Variants in IQCB1 observed in about 807,000 individuals in gnomAD.
IQCB1 encodes the protein IQ calmodulin-binding motif-containing protein 1.
IQCB1 carries 56 observed loss-of-function variants against 84.4 expected under a neutral mutation model. That is an observed-to-expected ratio of 0.66 (90% CI 0.54 to 0.83). IQCB1 has a LOEUF of 0.83. Among genes scored for constraint, IQCB1 ranks in the 40% least tolerant of loss-of-function variants. IQCB1 has a pLI of 0.00. For synonymous variants in IQCB1, 210 were observed against 234.8 expected, an observed-to-expected ratio of 0.89 and a Z score of 0.96; for missense variants, 629 against 682.1, an observed-to-expected ratio of 0.92 and a Z score of 0.87.
At chr3:121,817,202 G>A (rs901949221) in intron 5 of IQCB1, among the ~76,000 whole-genome samples, 4 of 152,130 alleles carry the variant, frequency 2.6e-5, no homozygotes, top group Non-Finnish European at 5.9e-5. Flanking sequence ...AGCGGGAGTT[G>A]AACAATGAGA....
intron 13 of IQCB1, among the ~76,000 whole-genome samples, chr3:121,779,669 A>G (rs1948390718): frequency 6.6e-6 from 1 of 152,116 alleles, no homozygotes. Context: ...TGCCTTTAAT[A>G]TTTGATTAGC....
intron 6 of IQCB1, among the ~76,000 whole-genome samples, chr3:121,807,902 A>G (rs1949669607): frequency 6.6e-6 from 1 of 151,920 alleles, no homozygotes; most frequent in Non-Finnish European, 1.5e-5. Context: ...AACTACAAAA[A>G]TTTCCTTTTA....
chr3:121,826,300 G>T, intron 4 of IQCB1, 120 bp from the exon 5 acceptor site: 1 of 1,000,234 alleles, frequency 1.0e-6, no homozygotes, highest in Non-Finnish European at 1.5e-6. Flanking sequence ...AGACAATAAA[G>T]AATTTTTGTT....
chr3:121,819,997 T>G (rs1263851323), intron 5 of IQCB1, among the ~76,000 whole-genome samples: 2 of 152,184 alleles, frequency 1.3e-5, no homozygotes, highest in African/African-American at 4.8e-5. Flanking sequence ...TGTATTTAGA[T>G]TTTATAAAAC....
chr3:121,831,888 A>G (rs1169539102), intron 2 of IQCB1, among the ~76,000 whole-genome samples: 1 of 152,248 alleles, frequency 6.6e-6, no homozygotes, highest in Non-Finnish European at 1.5e-5. Flanking sequence ...AAGAGAGTGC[A>G]TATAGTTATC....
intron 10 of IQCB1, among the ~76,000 whole-genome samples, chr3:121,793,874 AAGAG>A (rs895670933): frequency 3.9e-5 from 6 of 152,188 alleles, no homozygotes; most frequent in Non-Finnish European, 7.4e-5. Flanking sequence ...TTAATATTGA[AAGAG>A]AGAGTATATG....
At position 121,809,056 on chromosome 3, in the gene IQCB1, CT is replaced by C. The variant is rs35072741; in HGVS notation, c.394-48del. 65,935 of 861,570 alleles carry C rather than the reference CT, an allele frequency of 0.077. No homozygotes were observed. Among genetic ancestry groups the C allele is most frequent in the South Asian group, 0.084 (4,963 of 59,400 alleles). The allele number at this position is 861,570 out of a possible 1,614,324, so 53.4% of individuals were successfully genotyped here. A position where few individuals can be genotyped will look rare whatever the true frequency, so the allele number is the denominator to read the frequency against. On this transcript the variant is annotated intron_variant, in intron 5 of 14. Coordinates refer to ENST00000310864, the MANE Select transcript of IQCB1 (RefSeq NM_001023570.4). ...AGTTTACTTTTCTATAGTTTTTTTC[CT>C]TTTTTTTTTTTTTAAGGAGACTTCT...
At chr3:121,776,079 A>G (rs944043851) in intron 13 of IQCB1, among the ~76,000 whole-genome samples, 2 of 151,896 alleles carry the variant, frequency 1.3e-5, no homozygotes, top group Admixed American at 6.6e-5. Flanking sequence ...TTTTTTTTGA[A>G]GACAGGGTCT....
At chr3:121,797,451 A>AT (rs1491149946) in intron 8 of IQCB1, among the ~76,000 whole-genome samples, 9 of 48,706 alleles carry the variant, frequency 1.8e-4, no homozygotes, top group East Asian at 9.0e-4. Flanking sequence ...GTGGTATCTG[A>AT]TAAAAAAAAA....
intron 13 of IQCB1, among the ~76,000 whole-genome samples, chr3:121,781,075 GA>G (rs1948466514): frequency 6.6e-6 from 1 of 152,232 alleles, no homozygotes; most frequent in African/African-American, 2.4e-5. Context: ...GAAGCAGTAA[GA>G]GAAAAGAAAG....
At chr3:121,799,083 T>C in intron 8 of IQCB1, 113 bp downstream of exon 8, 1 of 728,690 alleles carries the variant, frequency 1.4e-6, no homozygotes. Flanking sequence ...GTGAGTTTTA[T>C]CTACATAGGT....
At chr3:121,792,129 T>C (rs986602848) in intron 10 of IQCB1, among the ~76,000 whole-genome samples, 6 of 152,206 alleles carry the variant, frequency 3.9e-5, no homozygotes, top group African/African-American at 9.6e-5. Flanking sequence ...TTCTAACTTC[T>C]AATTGGCTAT....
chr3:121,792,618 C>G (rs1215272040), intron 10 of IQCB1, among the ~76,000 whole-genome samples: 1 of 134,004 alleles, frequency 7.5e-6, no homozygotes, highest in East Asian at 2.1e-4. Context: ...GCCGAGATTG[C>G]GCCACTGCAC....
chr3:121,789,718 GAGTTAA>G (rs1171814693), intron 11 of IQCB1, among the ~76,000 whole-genome samples: 1 of 152,188 alleles, frequency 6.6e-6, no homozygotes, highest in Admixed American at 6.5e-5. Flanking sequence ...ACTAAGGAAT[GAGTTAA>G]ACTCTGATGG....
At chr3:121,785,992 G>C (rs1224204237) in intron 12 of IQCB1, among the ~76,000 whole-genome samples, 1 of 134,782 alleles carries the variant, frequency 7.4e-6, no homozygotes, top group African/African-American at 2.9e-5. Flanking sequence ...AACACAGTGA[G>C]ACTTAGTCTC....
Position 121,808,942 on chromosome 3 carries a change from C to G in IQCB1, c.461G>C (p.Gly154Ala). Residue 154 changes from glycine to alanine, a missense_variant, in exon 6 of 15, where the codon GGA becomes GCA. By Grantham distance (60) the Gly-to-Ala change is moderately conservative (BLOSUM62 0). Coordinates refer to ENST00000310864, the MANE Select transcript of IQCB1 (RefSeq NM_001023570.4). ...IVTDSLFWLL[G>A]GHVELIQNVL... Reference sequence around the variant, plus strand: ...ATTCTGAATAAGTTCAACATGGCCTCCCAAAAGCCAGAAGAGAGAATCAGT... The same window carrying G: ...ATTCTGAATAAGTTCAACATGGCCTGCCAAAAGCCAGAAGAGAGAATCAGT... 6.2e-7 allele frequency: 1 copy of G among 1,609,476 alleles called. No individual in the cohort carries two copies. Among genetic ancestry groups the G allele is most frequent in the South Asian group, 1.1e-5 (1 of 90,950 alleles).
intron 10 of IQCB1, among the ~76,000 whole-genome samples, chr3:121,794,416 G>C (rs1470841388): frequency 6.6e-6 from 1 of 152,100 alleles, no homozygotes; most frequent in Admixed American, 6.5e-5. Context: ...GGAAGTTTGA[G>C]GCTGAGAGAG....
At chr3:121,788,241 T>C in intron 12 of IQCB1, 43 bp downstream of exon 12, 5 of 1,598,322 alleles carry the variant, frequency 3.1e-6, no homozygotes, top group Non-Finnish European at 3.4e-6. Context: ...AACTCATGTT[T>C]TTGCCTCTTG....
chr3:121,825,405 C>T lies in IQCB1; in HGVS notation c.393+646G>A, dbSNP rs576437564. On this transcript the variant is annotated intron_variant, in intron 5 of 14. Transcript: ENST00000310864. The stretch of plus-strand genomic sequence containing the variant: ...AACATTCACAAAGATAAAACATATG[C>T]GGAGGGCCATAAAACAAGTCTGAAA... Among the ~76,000 whole-genome samples, 16 of 151,904 alleles carry T rather than the reference C, an allele frequency of 1.1e-4. 1 individual carries two copies. The highest frequency in any genetic ancestry group is 3.4e-3 in the Middle Eastern group (1 of 294).
Sources: allele counts gnomAD v4.1 joint callset (sites outside exome capture counted in the v4.1 genomes callset), GRCh38; gene constraint gnomAD v4.1.1; transcripts MANE v1.5; gene names NCBI Gene and HGNC (gene_info 2026-07-23, HGNC 2026-07-21).